The following ZNF124 variants were observed in gnomAD, a reference collection of about 807,000 sequenced individuals.
ZNF124 encodes zinc finger protein HZF-16.
In ZNF124, 25 loss-of-function variants were observed where a neutral mutation model predicts 26.6. The ratio of observed to expected loss-of-function variants is 0.94; its 90% CI spans 0.68 to 1.31. The LOEUF (loss-of-function observed/expected upper bound fraction) is 1.31, where lower values mean the gene tolerates loss of function less well. Ranked by LOEUF, ZNF124 falls within the 40% of genes most tolerant of loss-of-function variation. ZNF124 has a pLI of 0.00. For synonymous variants in ZNF124, 129 were observed against 133.3 expected (o/e 0.97, Z 0.22); for missense variants, 444 against 422.2 (o/e 1.05, Z -0.45).
intron 1 of ZNF124, among the ~76,000 whole-genome samples, chr1:247,167,626 T>C (rs61837912): frequency 0.048 from 7,331 of 152,080 alleles, 286 homozygotes; most frequent in South Asian, 0.19. Flanking sequence ...AAATAAAATA[T>C]ATCAAAAAAA....
Position 247,144,069 on chromosome 1 carries a change from C to T in ZNF124, c.218+14937G>A, listed in dbSNP as rs114710339. Among the ~76,000 whole-genome samples the T allele has an allele frequency of 2.7e-3, 416 of 152,258 alleles. 5 individuals are homozygous for T. The highest frequency in any genetic ancestry group is 9.5e-3 in the African/African-American group (396 of 41,532). On this transcript the variant is annotated intron_variant, in intron 3 of 3. Transcript: ENST00000472531. ...GCCCTACCATCTGCTCCAATACTAA[C>T]CCTGTCCTTTCCCAACATGATTTCC...
At chr1:247,153,455 G>A (rs1673004782), downstream of ZNF124, among the ~76,000 whole-genome samples, 1 of 152,184 alleles carries the variant, frequency 6.6e-6, no homozygotes, top group South Asian at 2.1e-4. Context: ...TGAAGTCACG[G>A]AGTGCCTTTA....
At chr1:247,131,536 G>A (rs1672368455) in intron 3 of ZNF124, among the ~76,000 whole-genome samples, 1 of 152,218 alleles carries the variant, frequency 6.6e-6, no homozygotes, top group Non-Finnish European at 1.5e-5. Context: ...AACGTGCTAA[G>A]CTCCCTGGAC....
At chr1:247,162,790 C>G (rs1045149052) in intron 1 of ZNF124, among the ~76,000 whole-genome samples, 1 of 152,088 alleles carries the variant, frequency 6.6e-6, no homozygotes. Flanking sequence ...CAGATTCATA[C>G]GGCAAATTCT....
intron 3 of ZNF124, among the ~76,000 whole-genome samples, chr1:247,134,477 T>C (rs1672439814): frequency 6.6e-6 from 1 of 152,058 alleles, no homozygotes; most frequent in Non-Finnish European, 1.5e-5. Flanking sequence ...CAAAACAGAC[T>C]TGAAACCAAC....
intron 3 of ZNF124, 102 bp downstream of exon 3, chr1:247,158,904 C>T (rs1652944569): frequency 1.9e-6 from 2 of 1,074,752 alleles, no homozygotes; most frequent in Non-Finnish European, 2.7e-6. Flanking sequence ...GCTGGGATTA[C>T]AGGTGTGAGC....
In ZNF124 at chr1:247,156,509, T is replaced by TG; in HGVS notation, c.*56_*57insC. ...CTTTCCTACACCTTACATTCACAGT[T>TG]TCTCTCAAGTATGTGACTGTTCATG... is the stretch of plus-strand genomic sequence containing the variant. On this transcript the variant is annotated 3_prime_UTR_variant, in exon 4 of 4. Transcript: ENST00000543802. 6.8e-7 allele frequency: 1 copy of TG among 1,465,704 alleles called. No homozygotes were observed. Among genetic ancestry groups the TG allele is most frequent in the Admixed American group, 2.7e-5 (1 of 37,654 alleles). 90.8% of individuals were successfully genotyped at this position (1,465,704 alleles called of 1,614,324 possible). A position where few individuals can be genotyped will look rare whatever the true frequency, so the allele number is the denominator to read the frequency against.
At chr1:247,147,016 G>C (rs1387551656) in intron 3 of ZNF124, among the ~76,000 whole-genome samples, 2 of 152,022 alleles carry the variant, frequency 1.3e-5, no homozygotes, top group Non-Finnish European at 2.9e-5. Flanking sequence ...TGCAAATTTG[G>C]GGGGAGTTAG....
chr1:247,137,413 G>A (rs1672508824), intron 3 of ZNF124, among the ~76,000 whole-genome samples: 1 of 142,468 alleles, frequency 7.0e-6, no homozygotes, highest in Non-Finnish European at 1.5e-5. Flanking sequence ...GGAGGCCAAG[G>A]TGGGTGGATC....
chr1:247,152,494 C>T (rs1479318428), downstream of ZNF124, among the ~76,000 whole-genome samples: 3 of 151,962 alleles, frequency 2.0e-5, no homozygotes, highest in Non-Finnish European at 4.4e-5. Context: ...CTAATTATTC[C>T]TATTAAAGAC....
At chr1:247,152,300 TAAAACA>T (rs912074508), downstream of ZNF124, among the ~76,000 whole-genome samples, 1 of 142,888 alleles carries the variant, frequency 7.0e-6, no homozygotes, top group African/African-American at 2.5e-5. Context: ...AAAACAAAAA[TAAAACA>T]AAATATAAAT....
chr1:247,161,479 G>GT (rs537245042), intron 1 of ZNF124, among the ~76,000 whole-genome samples: 60 of 151,848 alleles, frequency 4.0e-4, no homozygotes, highest in Non-Finnish European at 7.7e-4. Context: ...CACAGACAAG[G>GT]TTTTTTTTGA....
At chr1:247,146,793 A>G (rs1420536859) in intron 3 of ZNF124, among the ~76,000 whole-genome samples, 1 of 152,156 alleles carries the variant, frequency 6.6e-6, no homozygotes, top group Non-Finnish European at 1.5e-5. Flanking sequence ...TGTTTTTGAG[A>G]CAAGCTTTAT....
chr1:247,146,442 C>G (rs1308064188), intron 3 of ZNF124, among the ~76,000 whole-genome samples: 1 of 152,192 alleles, frequency 6.6e-6, no homozygotes, highest in Non-Finnish European at 1.5e-5. Context: ...CCCCAGCCCT[C>G]CTTGAGTTTG....
intron 1 of ZNF124, among the ~76,000 whole-genome samples, chr1:247,167,117 G>C (rs1402618198): frequency 2.0e-5 from 3 of 152,102 alleles, no homozygotes; most frequent in African/African-American, 7.2e-5. Context: ...CAATAAACTA[G>C]GACTACAAGG....
chr1:247,159,849 G>A (rs1464270180), intron 1 of ZNF124, 36 bp from the exon 2 acceptor site: 41 of 1,579,600 alleles, frequency 2.6e-5, no homozygotes, highest in Non-Finnish European at 3.4e-5. Context: ...GGATGGATGA[G>A]ACTGAAAGCA....
At chr1:247,166,195 G>GAAAAC (rs901104697) in intron 1 of ZNF124, among the ~76,000 whole-genome samples, 1 of 152,034 alleles carries the variant, frequency 6.6e-6, no homozygotes, top group South Asian at 2.1e-4. Context: ...ATAATAAAGT[G>GAAAAC]AAAACAAAAC....
chr1:247,131,183 TGTG>T (rs2103099998), intron 3 of ZNF124, among the ~76,000 whole-genome samples: 1 of 152,326 alleles, frequency 6.6e-6, no homozygotes, highest in African/African-American at 2.4e-5. Context: ...GGAAGAACAG[TGTG>T]GTGCTGCGGC....
chr1:247,125,712 CTGTT>C (rs1393851251), intron 3 of ZNF124, among the ~76,000 whole-genome samples: 1 of 152,132 alleles, frequency 6.6e-6, no homozygotes, highest in Non-Finnish European at 1.5e-5. Context: ...ACCCAGCCAT[CTGTT>C]TATTTATTTC....
Sources: gnomAD v4.1 joint callset for allele counts (sites outside exome capture counted in the v4.1 genomes callset) on GRCh38, gnomAD v4.1.1 for gene constraint, MANE v1.5 for transcripts, NCBI Gene and HGNC (gene_info 2026-07-23, HGNC 2026-07-21) for gene names.